ASXL2: variants seen among roughly 807,000 people sequenced by gnomAD.
ASXL2 encodes putative Polycomb group protein ASXL2.
In ASXL2, 23 loss-of-function variants were observed where a neutral mutation model predicts 122.0. The observed-to-expected ratio is 0.19, with a 90% CI of 0.14 to 0.27. ASXL2 has a LOEUF of 0.27. Among genes scored for constraint, ASXL2 ranks in the 10% least tolerant of loss-of-function variants. The pLI is 1.00. For synonymous variants in ASXL2, 650 were observed against 637.0 expected, an observed-to-expected ratio of 1.02 and a Z score of -0.31; for missense variants, 1,518 against 1,713.8, an observed-to-expected ratio of 0.89 and a Z score of 2.02.
chr2:25,744,494 G>GA lies in ASXL2; in HGVS notation c.1861-19dup, dbSNP rs751367129. 174 of 1,565,974 alleles carry GA rather than the reference G, an allele frequency of 1.1e-4. No homozygotes were observed. In the African/African-American group the frequency reaches 2.2e-3, roughly 20 times the overall value. ...ACCGGGATCTGAAAGAAGTAGAGGGGAAAAAAACAACAGAGCTTAGTTTTC... is the reference window on the plus strand; with the variant it reads ...ACCGGGATCTGAAAGAAGTAGAGGGGAAAAAAAACAACAGAGCTTAGTTTTC... On this transcript the variant is annotated intron_variant, in intron 12 of 12. Coordinates refer to ENST00000435504, the MANE Select transcript of ASXL2 (RefSeq NM_018263.6). The surrounding 1 kb of genome is among the most constrained non-coding windows in gnomAD (Gnocchi z 4.7).
chr2:25,785,600 G>T (rs2088731888), intron 5 of ASXL2, among the ~76,000 whole-genome samples: 1 of 151,968 alleles, frequency 6.6e-6, no homozygotes, highest in Non-Finnish European at 1.5e-5. Flanking sequence ...TGGCTGGAGT[G>T]CAATGATGCA....
rs868385699 is a variant in ASXL2, at chr2:25,741,333, A to T, written c.*696T>A. The T allele has an allele frequency of 4.5e-6, 1 of 221,040 alleles. No individual in the cohort carries two copies. The highest frequency in any genetic ancestry group is 2.2e-5 in the African/African-American group (1 of 44,696). 13.7% of individuals were successfully genotyped at this position (221,040 alleles called of 1,614,324 possible). A position where few individuals can be genotyped will look rare whatever the true frequency, so the allele number is the denominator to read the frequency against. ...GATTAGGGAACAGCAGGGATCCACAAATTCCAAGCAGATTGCTTGGCAACA... is the reference window on the plus strand; with the variant it reads ...GATTAGGGAACAGCAGGGATCCACATATTCCAAGCAGATTGCTTGGCAACA... On this transcript the variant is annotated 3_prime_UTR_variant, in exon 13 of 13. Coordinates refer to ENST00000435504, the MANE Select transcript of ASXL2 (RefSeq NM_018263.6).
chr2:25,842,980 C>A (rs1370538080), intron 2 of ASXL2, among the ~76,000 whole-genome samples: 1 of 140,402 alleles, frequency 7.1e-6, no homozygotes, highest in Non-Finnish European at 1.6e-5. Context: ...CGTCACCACA[C>A]CTGGCTAATT....
chr2:25,823,278 C>T (rs1420081532), intron 3 of ASXL2, among the ~76,000 whole-genome samples: 1 of 152,154 alleles, frequency 6.6e-6, no homozygotes. Flanking sequence ...TCCTTTTCTT[C>T]ATAACATAGA....
chr2:25,853,704 C>T (rs2089744830), intron 1 of ASXL2, among the ~76,000 whole-genome samples: 1 of 151,974 alleles, frequency 6.6e-6, no homozygotes, highest in Non-Finnish European at 1.5e-5. Context: ...AGCTGGAGTA[C>T]ATGATCATAG....
intron 9 of ASXL2, among the ~76,000 whole-genome samples, chr2:25,758,204 T>A (rs2149145490): frequency 6.6e-6 from 1 of 152,316 alleles, no homozygotes; most frequent in Non-Finnish European, 1.5e-5. Context: ...ATCAATGCAG[T>A]CTAGTAGAAA....
intron 4 of ASXL2, among the ~76,000 whole-genome samples, chr2:25,800,921 G>A (rs2088989407): frequency 6.6e-6 from 1 of 152,070 alleles, no homozygotes; most frequent in South Asian, 2.1e-4. Flanking sequence ...ACTAGTGAGT[G>A]TTTGTGGTTT....
At position 25,736,051 on chromosome 2, in the gene ASXL2, C is replaced by T. The variant is rs1465910747; in HGVS notation, c.*5978G>A. The T allele has an allele frequency of 6.6e-6, 1 of 152,232 alleles. No individual in the cohort carries two copies. The highest frequency in any genetic ancestry group is 1.5e-5 in the Non-Finnish European group (1 of 68,034). The allele number at this position is 152,232 out of a possible 1,614,324, so 9.4% of individuals were successfully genotyped here. A position where few individuals can be genotyped will look rare whatever the true frequency, so the allele number is the denominator to read the frequency against. ...TTTGCTTACCTTTGCATAACCAGCA[C>T]TTTAGTGCTTAGTGCACAGTAGGTG... On this transcript the variant is annotated 3_prime_UTR_variant, in exon 13 of 13. Transcript: ENST00000435504.
intron 3 of ASXL2, among the ~76,000 whole-genome samples, chr2:25,808,017 ACACACT>A (rs926786588): frequency 4.0e-5 from 6 of 151,264 alleles, no homozygotes; most frequent in South Asian, 2.1e-4. Context: ...ACACACACAC[ACACACT>A]CTCCACCCCA....
At chr2:25,832,923 C>A (rs1284098689) in intron 3 of ASXL2, among the ~76,000 whole-genome samples, 1 of 151,902 alleles carries the variant, frequency 6.6e-6, no homozygotes, top group Non-Finnish European at 1.5e-5. Flanking sequence ...ATGGGGGCTG[C>A]GGGGGGAGCC....
intron 3 of ASXL2, among the ~76,000 whole-genome samples, chr2:25,832,905 T>A (rs886787932): frequency 7.2e-5 from 11 of 152,058 alleles, no homozygotes; most frequent in Non-Finnish European, 1.3e-4. Flanking sequence ...TCCAGAGACA[T>A]ACAATGAATG....
At chr2:25,769,144 C>T (rs1184831060) in intron 6 of ASXL2, among the ~76,000 whole-genome samples, 1 of 152,064 alleles carries the variant, frequency 6.6e-6, no homozygotes, top group Non-Finnish European at 1.5e-5. Flanking sequence ...AGTATCATTC[C>T]TTTATATAAA....
rs542007724 is a variant in ASXL2, at chr2:25,861,905, A to T, written c.57+16261T>A. On this transcript the variant is annotated intron_variant, in intron 1 of 12. Coordinates refer to ENST00000435504, the MANE Select transcript of ASXL2 (RefSeq NM_018263.6). ...AATCCTCAACAAAACCCAACAAATC[A>T]AACTTAACAAAGTAAATGATAGCAG... Among the ~76,000 whole-genome samples the T allele has an allele frequency of 5.3e-5, 8 of 152,326 alleles. No individual in the cohort carries two copies. In the South Asian group the frequency reaches 1.7e-3, roughly 32 times the overall value.
Position 25,744,597 on chromosome 2 carries a change from G to T in ASXL2, c.1861-121C>A. 1 of 1,185,506 alleles carries T rather than the reference G, an allele frequency of 8.4e-7. No individual in the cohort carries two copies. Among genetic ancestry groups the T allele is most frequent in the African/African-American group, 1.5e-5 (1 of 65,028 alleles). 73.4% of individuals were successfully genotyped at this position (1,185,506 alleles called of 1,614,324 possible). The stretch of plus-strand genomic sequence containing the variant: ...ACACTACAGTACCTGTGACAAACAT[G>T]GGTGGTCTATGGCCGAGAGGCCAAA... On this transcript the variant is annotated intron_variant, in intron 12 of 12. Transcript: ENST00000435504. The surrounding 1 kb of genome is among the most constrained non-coding windows in gnomAD (Gnocchi z 4.7).
chr2:25,873,780 A>ATGTATATAATTTTT (rs2089985281), intron 1 of ASXL2, among the ~76,000 whole-genome samples: 1 of 152,042 alleles, frequency 6.6e-6, no homozygotes, highest in Admixed American at 6.5e-5. Context: ...CTCCCAAAAA[A>ATGTATATAATTTTT]ACACCCAATG....
intron 1 of ASXL2, among the ~76,000 whole-genome samples, chr2:25,866,982 C>A (rs1226666156): frequency 1.3e-5 from 2 of 152,114 alleles, no homozygotes; most frequent in Non-Finnish European, 2.9e-5. Context: ...CTCACCACAA[C>A]CTCCGCCTCC....
chr2:25,847,909 GTACA>G (rs2089667482), intron 1 of ASXL2, among the ~76,000 whole-genome samples: 2 of 152,148 alleles, frequency 1.3e-5, no homozygotes, highest in Admixed American at 6.6e-5. Flanking sequence ...CCACTTTTGT[GTACA>G]TATTCAATAT....
Position 25,741,817 on chromosome 2 carries a change from C to T in ASXL2, c.*212G>A. The T allele has an allele frequency of 7.9e-6, 4 of 504,920 alleles. No homozygotes were observed. The highest frequency in any genetic ancestry group is 3.5e-6 in the Non-Finnish European group (1 of 286,486). The allele number at this position is 504,920 out of a possible 1,614,324, so 31.3% of individuals were successfully genotyped here. A position where few individuals can be genotyped will look rare whatever the true frequency, so the allele number is the denominator to read the frequency against. ...TAAGTGCAAACTTGTCACAAATTCA[C>T]AAAGTCTTGCTTGACTTAGACTTAC... On this transcript the variant is annotated 3_prime_UTR_variant, in exon 13 of 13. Coordinates refer to ENST00000435504, the MANE Select transcript of ASXL2 (RefSeq NM_018263.6).
intron 8 of ASXL2, among the ~76,000 whole-genome samples, chr2:25,762,711 C>T (rs201409960): frequency 8.0e-6 from 1 of 124,726 alleles, no homozygotes. Flanking sequence ...AAACAAGAAA[C>T]AGCCATAGGA....
Sources: allele counts gnomAD v4.1 joint callset (sites outside exome capture counted in the v4.1 genomes callset), GRCh38; gene constraint gnomAD v4.1.1; non-coding constraint Gnocchi (gnomAD v3.1); transcripts MANE v1.5; gene names NCBI Gene and HGNC (gene_info 2026-07-23, HGNC 2026-07-21).